MIA2: variants seen among roughly 807,000 people sequenced by gnomAD.
MIA2 encodes the protein MIA SH3 domain ER export factor 2, also known as melanoma inhibitory activity protein 2.
In MIA2, 127 loss-of-function variants were observed where a neutral mutation model predicts 167.8. That is an observed-to-expected ratio of 0.76 (90% confidence interval 0.66 to 0.88). The LOEUF (loss-of-function observed/expected upper bound fraction) is 0.88, where lower values mean the gene tolerates loss of function less well. Among genes scored for constraint, MIA2 ranks in the 40% least tolerant of loss-of-function variants. MIA2 has a pLI of 0.00. For missense variants in MIA2, 1,690 were observed against 1,624.7 expected (o/e 1.04, Z -0.69); for synonymous variants, 552 against 541.9 (o/e 1.02, Z -0.26).
intron 19 of MIA2, 121 bp downstream of exon 19, chr14:39,313,562 C>A: frequency 1.8e-6 from 1 of 540,786 alleles, no homozygotes; most frequent in Non-Finnish European, 3.2e-6. Flanking sequence ...ACAGGTGGTA[C>A]AGACAAAAAA....
intron 21 of MIA2, among the ~76,000 whole-genome samples, chr14:39,315,935 G>C (rs945283911): frequency 6.6e-6 from 1 of 152,066 alleles, no homozygotes; most frequent in Admixed American, 6.5e-5. Context: ...TTATCACATT[G>C]CTTCTTTGAA....
In MIA2 at chr14:39,359,631, C is replaced by G. The variant is rs371918148; in HGVS notation, c.2248+10654C>G. The stretch of plus-strand genomic sequence containing the variant: ...TATTGGAAATGCAGAAATCACCTGT[C>G]TTCTGCGTCGCTCACACTGGGAGCT... On this transcript the variant is annotated intron_variant, in intron 23 of 23. Coordinates refer to the MIA2 transcript ENST00000341502. Among the ~76,000 whole-genome samples, 242 of 152,308 alleles carry G rather than the reference C, an allele frequency of 1.6e-3. 2 individuals carry two copies. In the Middle Eastern group the frequency reaches 0.02, roughly 13 times the overall value.
At chr14:39,273,927 G>C (rs1044516844) in intron 6 of MIA2, among the ~76,000 whole-genome samples, 4 of 152,174 alleles carry the variant, frequency 2.6e-5, no homozygotes, top group African/African-American at 9.7e-5. Flanking sequence ...ATCTTGGAGA[G>C]GTGTACCTTC....
intron 23 of MIA2, among the ~76,000 whole-genome samples, chr14:39,379,948 C>A (rs1003882867): frequency 1.3e-5 from 2 of 152,066 alleles, no homozygotes; most frequent in Admixed American, 1.3e-4. Flanking sequence ...AAAACCCCAC[C>A]ACCTCCTGCA....
At chr14:39,277,384 G>C (rs939077436) in intron 7 of MIA2, among the ~76,000 whole-genome samples, 1 of 151,430 alleles carries the variant, frequency 6.6e-6, no homozygotes, top group Admixed American at 6.6e-5. Context: ...AAATTAGCTG[G>C]ACATGAGGAC....
At chr14:39,367,825 C>T (rs2074854837) in intron 23 of MIA2, among the ~76,000 whole-genome samples, 4 of 84,178 alleles carry the variant, frequency 4.8e-5, no homozygotes, top group African/African-American at 3.6e-4. Context: ...TTATTGTCGT[C>T]GGTTTTTTTT....
intron 16 of MIA2, among the ~76,000 whole-genome samples, chr14:39,303,949 T>A (rs866245565): frequency 2.6e-5 from 4 of 152,218 alleles, no homozygotes; most frequent in African/African-American, 4.8e-5. Flanking sequence ...TCATTTTTGC[T>A]GATCTATGTG....
At chr14:39,387,031 C>G in exon 24 of MIA2, 1 of 717,556 alleles carries the variant, frequency 1.4e-6, no homozygotes, top group Non-Finnish European at 2.4e-6. Context: ...GCCAGAAGGC[C>G]CTACAGTGCC....
chr14:39,275,742 A>G, intron 6 of MIA2, among the ~76,000 whole-genome samples: 1 of 152,266 alleles, frequency 6.6e-6, no homozygotes, highest in East Asian at 1.9e-4. Context: ...CAATAGCAAA[A>G]ATAATTTTTT....
chr14:39,382,888 A>G (rs987996302), intron 23 of MIA2, among the ~76,000 whole-genome samples: 1 of 139,444 alleles, frequency 7.2e-6, no homozygotes, highest in Non-Finnish European at 1.6e-5. Flanking sequence ...GTACAATAAC[A>G]AGATAAGAAT....
chr14:39,263,823 G>A (rs1406802850), intron 6 of MIA2, among the ~76,000 whole-genome samples: 1 of 151,756 alleles, frequency 6.6e-6, no homozygotes, highest in Non-Finnish European at 1.5e-5. Flanking sequence ...TAGTAGAGAC[G>A]GGGTTTCACC....
At chr14:39,353,968 C>T (rs28786703), downstream of MIA2, among the ~76,000 whole-genome samples, 643 of 152,196 alleles carry the variant, frequency 4.2e-3, 8 homozygotes, top group African/African-American at 0.012. Context: ...CTATCATTGT[C>T]GGACATTTGG....
chr14:39,313,965 C>T (rs928929504), intron 19 of MIA2, among the ~76,000 whole-genome samples: 1 of 152,056 alleles, frequency 6.6e-6, no homozygotes, highest in African/African-American at 2.4e-5. Flanking sequence ...AGTTGTGATA[C>T]TTCATTTTAC....
At chr14:39,292,186 A>C (rs2060825410) in intron 10 of MIA2, among the ~76,000 whole-genome samples, 1 of 152,210 alleles carries the variant, frequency 6.6e-6, no homozygotes, top group South Asian at 2.1e-4. Context: ...TTCCATTAGT[A>C]ATTTATGTTT....
chr14:39,342,717 CAT>C (rs1309246521), intron 25 of MIA2, among the ~76,000 whole-genome samples: 11 of 152,126 alleles, frequency 7.2e-5, no homozygotes, highest in Non-Finnish European at 5.9e-5. Context: ...GTAAATAAGA[CAT>C]AAAAAGAAAA....
Position 39,334,241 on chromosome 14 carries a change from A to G in MIA2, c.3655+7219A>G, listed in dbSNP as rs565803212. 2.4e-4 allele frequency among the ~76,000 whole-genome samples: 36 copies of G among 152,196 alleles called. No homozygotes were observed. In the South Asian group the frequency reaches 7.3e-3, roughly 31 times the overall value. On this transcript the variant is annotated intron_variant, in intron 25 of 28. Coordinates refer to ENST00000640607, the MANE Select transcript of MIA2 (RefSeq NM_001329214.4). ...TGTGATCCCAGCACTTTGGGAGGCCAAGGCAGGTGGATCACCTGAGGCCAG... is the reference window on the plus strand; with the variant it reads ...TGTGATCCCAGCACTTTGGGAGGCCGAGGCAGGTGGATCACCTGAGGCCAG...
chr14:39,334,989 C>T (rs1452185259), intron 25 of MIA2, among the ~76,000 whole-genome samples: 2 of 152,096 alleles, frequency 1.3e-5, no homozygotes, highest in African/African-American at 4.8e-5. Context: ...GTGGCTCATG[C>T]CTGTAATCCT....
intron 24 of MIA2, among the ~76,000 whole-genome samples, chr14:39,324,251 C>T (rs1449197504): frequency 6.6e-6 from 1 of 152,184 alleles, no homozygotes; most frequent in African/African-American, 2.4e-5. Context: ...TCCTTTAAAT[C>T]TCTGTGCTTC....
chr14:39,323,790 AT>A (rs1264987444), intron 24 of MIA2, among the ~76,000 whole-genome samples: 4 of 152,160 alleles, frequency 2.6e-5, no homozygotes, highest in African/African-American at 4.8e-5. Context: ...TCAATTGAAT[AT>A]TTGGAATGAT....
Sources: gnomAD v4.1 joint callset for allele counts (sites outside exome capture counted in the v4.1 genomes callset) on GRCh38, gnomAD v4.1.1 for gene constraint, MANE v1.5 for transcripts, NCBI Gene and HGNC (gene_info 2026-07-23, HGNC 2026-07-21) for gene names.